The following STXBP5 variants were observed in gnomAD, a reference collection of about 807,000 sequenced individuals.
STXBP5 encodes syntaxin-binding protein 5.
Under a neutral mutation model 152.4 loss-of-function variants are expected in STXBP5, and 50 were observed. The ratio of observed to expected loss-of-function variants is 0.33; its 90% CI spans 0.26 to 0.42. STXBP5 has a LOEUF of 0.42. Among genes scored for constraint, STXBP5 ranks in the 10% least tolerant of loss-of-function variants. The pLI, the probability that STXBP5 is intolerant of heterozygous loss-of-function variation, is 1.00. For missense variants in STXBP5, 1,167 were observed against 1,388.6 expected (o/e 0.84, Z 2.54); for synonymous variants, 492 against 494.7 (o/e 0.99, Z 0.07).
intron 2 of STXBP5, among the ~76,000 whole-genome samples, chr6:147,231,761 A>G (rs1778018219): frequency 6.6e-6 from 1 of 151,888 alleles, no homozygotes; most frequent in African/African-American, 2.4e-5. Flanking sequence ...TTAATTGTGA[A>G]CATAGCCACA....
In STXBP5 at chr6:147,389,468, A is replaced by G. The variant is rs1048184169; in HGVS notation, c.*4713A>G. ...ATTTACAAATTCAGTACAGTAGTCC[A>G]GGGCTACATGTAAGTGGTCTCTTTA... is the stretch of plus-strand genomic sequence containing the variant. On this transcript the variant is annotated 3_prime_UTR_variant, in exon 28 of 28. Transcript: ENST00000321680. The G allele has an allele frequency of 1.3e-5, 2 of 151,866 alleles. No individual in the cohort carries two copies. The highest frequency in any genetic ancestry group is 3.0e-5 in the Non-Finnish European group (2 of 67,784). 9.4% of individuals were successfully genotyped at this position (151,866 alleles called of 1,614,324 possible).
At chr6:147,326,722 G>A (rs1158374193) in intron 17 of STXBP5, among the ~76,000 whole-genome samples, 2 of 152,144 alleles carry the variant, frequency 1.3e-5, no homozygotes, top group Non-Finnish European at 2.9e-5. Context: ...TGACTTGAAT[G>A]ATTACCAAAA....
At chr6:147,220,162 T>G (rs1341193895) in intron 2 of STXBP5, among the ~76,000 whole-genome samples, 1 of 152,104 alleles carries the variant, frequency 6.6e-6, no homozygotes, top group African/African-American at 2.4e-5. Context: ...TTGTTTAATC[T>G]CTACATATTT....
intron 5 of STXBP5, among the ~76,000 whole-genome samples, chr6:147,261,057 C>A (rs1027520666): frequency 6.6e-6 from 1 of 151,798 alleles, no homozygotes; most frequent in Non-Finnish European, 1.5e-5. Context: ...TTTTTCTGTT[C>A]TCTTATCTTC....
At position 147,294,129 on chromosome 6, in the gene STXBP5, A is replaced by G. The variant is rs145817080; in HGVS notation, c.917+2957A>G. On this transcript the variant is annotated intron_variant, in intron 9 of 27. Coordinates refer to ENST00000321680, the MANE Select transcript of STXBP5 (RefSeq NM_001127715.4). Reference sequence around the variant, plus strand: ...TTATGGAACCAGTTCTTTCTTTATAAGAAGTTAGAAATTAAATGTTAAGTC... The same window carrying G: ...TTATGGAACCAGTTCTTTCTTTATAGGAAGTTAGAAATTAAATGTTAAGTC... 6.2e-4 allele frequency among the ~76,000 whole-genome samples: 95 copies of G among 152,236 alleles called. 1 individual carries two copies. In the East Asian group the frequency reaches 0.017, roughly 27 times the overall value.
intron 13 of STXBP5, 62 bp from the exon 14 acceptor site, chr6:147,314,534 C>A: frequency 6.5e-7 from 1 of 1,530,178 alleles, no homozygotes; most frequent in East Asian, 2.3e-5. Flanking sequence ...AATAGCAGTA[C>A]CCATTTAAAG....
chr6:147,369,032 A>C (rs1176576031), intron 25 of STXBP5, among the ~76,000 whole-genome samples: 1 of 152,030 alleles, frequency 6.6e-6, no homozygotes, highest in Non-Finnish European at 1.5e-5. Context: ...TAAAATACAC[A>C]AAACAGCTCT....
At chr6:147,260,877 A>ATCT in intron 5 of STXBP5, 128 bp downstream of exon 5, 4 of 1,198,880 alleles carry the variant, frequency 3.3e-6, no homozygotes, top group Non-Finnish European at 3.4e-6. Context: ...TATTAAGTAC[A>ATCT]GATTTATTAG....
chr6:147,253,205 A>G (rs547259473), intron 4 of STXBP5, among the ~76,000 whole-genome samples: 1 of 152,338 alleles, frequency 6.6e-6, no homozygotes, highest in African/African-American at 2.4e-5. Flanking sequence ...ACCTATGAAA[A>G]AAACCACGAT....
chr6:147,345,084 AT>A (rs1229813143), intron 21 of STXBP5, among the ~76,000 whole-genome samples: 3 of 152,278 alleles, frequency 2.0e-5, no homozygotes, highest in Non-Finnish European at 4.4e-5. Flanking sequence ...CGTCTTTTTG[AT>A]TAACAGGTCT....
At chr6:147,325,133 T>A in intron 17 of STXBP5, 49 bp downstream of exon 17, 3 of 1,353,802 alleles carry the variant, frequency 2.2e-6, no homozygotes, top group Non-Finnish European at 2.9e-6. Flanking sequence ...GTATTCCATA[T>A]GTCATTTTGT....
At chr6:147,242,186 A>T (rs1003521509) in intron 4 of STXBP5, among the ~76,000 whole-genome samples, 8 of 151,480 alleles carry the variant, frequency 5.3e-5, no homozygotes, top group African/African-American at 1.9e-4. Flanking sequence ...AAAAAAAAAA[A>T]GTTTAAAAAG....
intron 7 of STXBP5, among the ~76,000 whole-genome samples, chr6:147,270,271 C>T (rs576927226): frequency 2.8e-4 from 42 of 151,570 alleles, no homozygotes; most frequent in Admixed American, 9.9e-4. Context: ...TGGTGGCAGG[C>T]GCCTGTAGTC....
intron 19 of STXBP5, among the ~76,000 whole-genome samples, chr6:147,336,063 T>C (rs1168496397): frequency 6.6e-6 from 1 of 152,222 alleles, no homozygotes; most frequent in Non-Finnish European, 1.5e-5. Flanking sequence ...GAAACCTTTG[T>C]TTAGGCTTTG....
intron 9 of STXBP5, among the ~76,000 whole-genome samples, chr6:147,306,332 A>T (rs1392964087): frequency 6.6e-6 from 1 of 152,226 alleles, no homozygotes; most frequent in Non-Finnish European, 1.5e-5. Flanking sequence ...GAGTAGAGGT[A>T]TACAGAAGGT....
chr6:147,351,761 C>A, intron 21 of STXBP5: 2 of 679,322 alleles, frequency 2.9e-6, no homozygotes, highest in Non-Finnish European at 3.6e-6. Context: ...AATTTGATGT[C>A]CCTTCCAACC....
rs1785589795 is a variant in STXBP5, at chr6:147,372,406, CCTTTTTTTTTT to C, written c.3082-1324_3082-1314del. Among the ~76,000 whole-genome samples, 6 of 39,108 alleles carry C rather than the reference CCTTTTTTTTTT, an allele frequency of 1.5e-4. 1 individual carries two copies. Among genetic ancestry groups the C allele is most frequent in the Non-Finnish European group, 3.0e-4 (6 of 19,708 alleles). The allele number at this position is 39,108 out of a possible 152,430, so 25.7% of individuals were successfully genotyped here. A position where few individuals can be genotyped will look rare whatever the true frequency, so the allele number is the denominator to read the frequency against. On this transcript the variant is annotated intron_variant, in intron 25 of 27. Coordinates refer to ENST00000321680, the MANE Select transcript of STXBP5 (RefSeq NM_001127715.4). ...ATATAAATGTTACTACCGTCCTTTTCCTTTTTTTTTTTTTTTTTTTTTTTTTTTTTTTTTTT... is the reference window on the plus strand; with the variant it reads ...ATATAAATGTTACTACCGTCCTTTTCTTTTTTTTTTTTTTTTTTTTTTTTT...
chr6:147,370,640 G>A (rs746462028), intron 25 of STXBP5, among the ~76,000 whole-genome samples: 1 of 151,896 alleles, frequency 6.6e-6, no homozygotes, highest in Non-Finnish European at 1.5e-5. Flanking sequence ...TAATCGTAGA[G>A]GTGGAACATA....
chr6:147,345,296 C>T (rs989359539), intron 21 of STXBP5, among the ~76,000 whole-genome samples: 4 of 152,032 alleles, frequency 2.6e-5, no homozygotes, highest in Non-Finnish European at 4.4e-5. Flanking sequence ...TTTCTGAACT[C>T]CTGGGATGTT....
Sources: gnomAD v4.1 joint callset for allele counts (sites outside exome capture counted in the v4.1 genomes callset) on GRCh38, gnomAD v4.1.1 for gene constraint, MANE v1.5 for transcripts, NCBI Gene and HGNC (gene_info 2026-07-23, HGNC 2026-07-21) for gene names.